Variants in LRRTM3 observed in about 807,000 individuals in gnomAD.
The protein encoded by LRRTM3 is leucine rich repeat transmembrane neuronal 3.
Under a neutral mutation model 44.7 loss-of-function variants are expected in LRRTM3, and 24 were observed. The observed-to-expected ratio is 0.54, with a 90% confidence interval of 0.39 to 0.76. The LOEUF is 0.76. Ranked by LOEUF, LRRTM3 falls within the 30% of genes least tolerant of loss-of-function variation. The pLI is 0.00. For synonymous variants in LRRTM3, 277 were observed against 278.7 expected, an observed-to-expected ratio of 0.99 and a Z score of 0.06; for missense variants, 587 against 702.2, an observed-to-expected ratio of 0.84 and a Z score of 1.85.
At chr10:66,959,670 T>A (rs1373338696) in intron 2 of LRRTM3, among the ~76,000 whole-genome samples, 2 of 152,196 alleles carry the variant, frequency 1.3e-5, no homozygotes, top group Admixed American at 1.3e-4. Flanking sequence ...CCCATTCTAC[T>A]CTCAGTGCAA....
chr10:67,033,834 G>A (rs1853879122), intron 2 of LRRTM3, among the ~76,000 whole-genome samples: 1 of 151,950 alleles, frequency 6.6e-6, no homozygotes, highest in Non-Finnish European at 1.5e-5. Flanking sequence ...GCAGTGGTGC[G>A]ATCTCAGCTC....
At position 66,928,083 on chromosome 10, in the gene LRRTM3, T is replaced by A. The variant is rs952590036; in HGVS notation, c.1167T>A (p.His389Gln). 2 of 1,614,022 alleles carry A rather than the reference T, an allele frequency of 1.2e-6. No individual in the cohort carries two copies. The highest frequency in any genetic ancestry group is 1.7e-6 in the Non-Finnish European group (2 of 1,180,014). The change falls in exon 2 of 3, where the codon CAT becomes CAA. Residue 389 changes from histidine (H) to glutamine (Q), a missense_variant. By Grantham distance (24) the His-to-Gln change is conservative. This residue lies in a region of LRRTM3 where 315 missense variants were observed against 335.6 expected (regional missense o/e 0.94). Transcript: ENST00000361320. ...TFKPKLPRPK[H>Q]ESKPPLPPTV... ...AGCCCAAGCTCCCCAGGCCGAAGCATGAGAGCAAACCCCCTTTGCCCCCGA... is the reference window on the plus strand; with the variant it reads ...AGCCCAAGCTCCCCAGGCCGAAGCAAGAGAGCAAACCCCCTTTGCCCCCGA...
At chr10:67,021,953 C>T (rs1191553133) in intron 2 of LRRTM3, among the ~76,000 whole-genome samples, 5 of 152,116 alleles carry the variant, frequency 3.3e-5, no homozygotes, top group Non-Finnish European at 5.9e-5. Flanking sequence ...TAAAAGTAAA[C>T]TAAAAAGGTT....
At chr10:67,095,341 G>GA (rs1229826091) in intron 2 of LRRTM3, among the ~76,000 whole-genome samples, 1 of 151,616 alleles carries the variant, frequency 6.6e-6, no homozygotes, top group Non-Finnish European at 1.5e-5. Context: ...AATAAAATGT[G>GA]AAAAAATGTG....
At chr10:66,982,304 A>G (rs2132886202) in intron 2 of LRRTM3, among the ~76,000 whole-genome samples, 1 of 152,322 alleles carries the variant, frequency 6.6e-6, no homozygotes, top group South Asian at 2.1e-4. Context: ...GAAAAAAGAA[A>G]CACAGGCTTT....
At chr10:66,966,483 A>AT (rs1029710274) in intron 2 of LRRTM3, among the ~76,000 whole-genome samples, 1 of 76,940 alleles carries the variant, frequency 1.3e-5, no homozygotes, top group Non-Finnish European at 3.7e-5. Context: ...GCTATGTAAT[A>AT]TATTTTTTTT....
At chr10:66,973,256 C>T (rs1322806200) in intron 2 of LRRTM3, among the ~76,000 whole-genome samples, 1 of 151,918 alleles carries the variant, frequency 6.6e-6, no homozygotes, top group African/African-American at 2.4e-5. Flanking sequence ...TGAGTAAAGA[C>T]TATAATGTAT....
At chr10:67,091,952 A>G (rs1246856302) in intron 2 of LRRTM3, among the ~76,000 whole-genome samples, 1 of 152,046 alleles carries the variant, frequency 6.6e-6, no homozygotes, top group Non-Finnish European at 1.5e-5. Context: ...TGAAATGCCT[A>G]TTTCTTATTT....
chr10:67,097,444 C>T (rs967579651), intron 2 of LRRTM3, 143 bp from the exon 3 acceptor site: 9 of 651,900 alleles, frequency 1.4e-5, no homozygotes, highest in South Asian at 3.7e-5. Context: ...GGGGCATTAG[C>T]GGGATAATAT....
In LRRTM3 at chr10:66,928,320, C is replaced by T. The variant is rs1273091255; in HGVS notation, c.1404C>T (p.Ser468=). The change falls in exon 2 of 3, where the codon TCC becomes TCT. Residue 468 remains serine, a synonymous_variant. Transcript: ENST00000361320. ...MRRHRKKKRQ[S]LKQMTPSTQE... is the part of the protein sequence containing the mutation. Reference sequence around the variant, plus strand: ...GGCACAGGAAAAAGAAAAGACAGTCCCTAAAGCAAATGACTCCCAGCACCC... The same window carrying T: ...GGCACAGGAAAAAGAAAAGACAGTCTCTAAAGCAAATGACTCCCAGCACCC... The T allele has an allele frequency of 6.2e-7, 1 of 1,614,088 alleles. No homozygotes were observed. Among genetic ancestry groups the T allele is most frequent in the Non-Finnish European group, 8.5e-7 (1 of 1,180,024 alleles).
At chr10:66,933,190 C>T (rs1847505958) in intron 2 of LRRTM3, among the ~76,000 whole-genome samples, 1 of 152,214 alleles carries the variant, frequency 6.6e-6, no homozygotes, top group Non-Finnish European at 1.5e-5. Flanking sequence ...TGTTACAGAA[C>T]CCCAAGCCCA....
intron 2 of LRRTM3, among the ~76,000 whole-genome samples, chr10:67,069,200 A>G (rs1257062496): frequency 2.0e-5 from 3 of 152,116 alleles, no homozygotes; most frequent in Non-Finnish European, 2.9e-5. Flanking sequence ...TAGTAAAGAA[A>G]AAAGAAAAAT....
chr10:66,993,257 G>A (rs1851141077), intron 2 of LRRTM3, among the ~76,000 whole-genome samples: 1 of 152,110 alleles, frequency 6.6e-6, no homozygotes, highest in South Asian at 2.1e-4. Flanking sequence ...TGGGATCCAA[G>A]AAGAAATATT....
chr10:67,064,838 C>G (rs1855971167), intron 2 of LRRTM3, among the ~76,000 whole-genome samples: 2 of 152,150 alleles, frequency 1.3e-5, no homozygotes, highest in Non-Finnish European at 2.9e-5. Context: ...GTCAGAGGGA[C>G]AGATGAATTC....
chr10:66,976,397 C>T (rs145726936), intron 2 of LRRTM3, among the ~76,000 whole-genome samples: 95 of 152,244 alleles, frequency 6.2e-4, no homozygotes, highest in African/African-American at 2.2e-3. Flanking sequence ...AACATCCTCT[C>T]GACTCTGGAA....
intron 2 of LRRTM3, among the ~76,000 whole-genome samples, chr10:67,074,641 C>T (rs1015985021): frequency 3.9e-5 from 6 of 152,096 alleles, no homozygotes; most frequent in African/African-American, 7.2e-5. Flanking sequence ...TGAGCCACCG[C>T]GCCCAACCCA....
chr10:67,013,467 G>A (rs1852465639), intron 2 of LRRTM3, among the ~76,000 whole-genome samples: 1 of 152,092 alleles, frequency 6.6e-6, no homozygotes, highest in Non-Finnish European at 1.5e-5. Context: ...AGAATTCTCA[G>A]ACATGCAATG....
At chr10:67,034,859 T>C (rs1259468466) in intron 2 of LRRTM3, among the ~76,000 whole-genome samples, 3 of 152,192 alleles carry the variant, frequency 2.0e-5, no homozygotes, top group African/African-American at 4.8e-5. Context: ...TAATAAAATA[T>C]ATCTATTTGC....
At chr10:66,980,539 A>G (rs942777) in intron 2 of LRRTM3, among the ~76,000 whole-genome samples, 109,170 of 138,954 alleles carry the variant, frequency 0.79, 42,294 homozygotes, top group East Asian at 0.99. Flanking sequence ...AGAATTGAAC[A>G]GGAACCAAAA....
Sources: gnomAD v4.1 joint callset for allele counts (sites outside exome capture counted in the v4.1 genomes callset) on GRCh38, gnomAD v4.1.1 for gene constraint, gnomAD v4.1.1 regional missense constraint, MANE v1.5 for transcripts, NCBI Gene and HGNC (gene_info 2026-07-23, HGNC 2026-07-21) for gene names.